CRIM1: variants seen among roughly 807,000 people sequenced by gnomAD.
CRIM1 encodes cysteine-rich motor neuron 1 protein.
Under a neutral mutation model 116.4 loss-of-function variants are expected in CRIM1, and 32 were observed. That is an observed-to-expected ratio of 0.27 (90% CI 0.21 to 0.37). The LOEUF (loss-of-function observed/expected upper bound fraction) is 0.37. Among genes scored for constraint, CRIM1 ranks in the 10% least tolerant of loss-of-function variants. The probability of loss-of-function intolerance (pLI) is 1.00; values close to 1 mark genes in which losing one functional copy is unlikely to be tolerated. For synonymous variants in CRIM1, 590 were observed against 509.2 expected (o/e 1.16, Z -2.13); for missense variants, 1,331 against 1,354.8 (o/e 0.98, Z 0.28).
intron 7 of CRIM1, among the ~76,000 whole-genome samples, chr2:36,492,693 T>C (rs1280417234): frequency 6.6e-6 from 1 of 152,226 alleles, no homozygotes; most frequent in African/African-American, 2.4e-5. Flanking sequence ...GCTTTGATGC[T>C]GTCTTGGCCA....
At chr2:36,407,154 C>G (rs1048287262) in intron 2 of CRIM1, among the ~76,000 whole-genome samples, 1 of 152,270 alleles carries the variant, frequency 6.6e-6, no homozygotes, top group African/African-American at 2.4e-5. Context: ...TAAATTTTAT[C>G]CCACTCTGTT....
intron 1 of CRIM1, among the ~76,000 whole-genome samples, chr2:36,373,475 AG>A (rs1379580649): frequency 6.6e-6 from 1 of 152,234 alleles, no homozygotes; most frequent in African/African-American, 2.4e-5. Flanking sequence ...TGGGGAAATC[AG>A]TTGCTTGAAC....
chr2:36,417,096 G>T (rs1049310681), intron 2 of CRIM1, among the ~76,000 whole-genome samples: 2 of 152,158 alleles, frequency 1.3e-5, no homozygotes, highest in Non-Finnish European at 2.9e-5. Flanking sequence ...CTCTTCAGAA[G>T]GCTGTCATTC....
In CRIM1 at chr2:36,544,407, C is replaced by T. The variant is rs913941458; in HGVS notation, c.2655C>T (p.Pro885=). The change falls in exon 15 of 17, where the codon CCC becomes CCT. Residue 885 remains proline, a synonymous_variant. Coordinates refer to ENST00000280527, the MANE Select transcript of CRIM1 (RefSeq NM_016441.3). ...ATGTCCCAGAACCAACCAATATACC[C>T]ATTGAGAAGACAAACCATCGAGGAG... ...EMYVPEPTNI[P]IEKTNHRGEV... is the part of the protein sequence containing the mutation. 7.0e-7 allele frequency: 1 copy of T among 1,423,538 alleles called. No individual in the cohort carries two copies. The highest frequency in any genetic ancestry group is 1.8e-5 in the South Asian group (1 of 54,406). 88.2% of individuals were successfully genotyped at this position (1,423,538 alleles called of 1,614,324 possible).
At position 36,537,405 on chromosome 2, in the gene CRIM1, G is replaced by T; in HGVS notation, c.2482G>T (p.Asp828Tyr). Residue 828 changes from aspartate (D) to tyrosine (Y), a missense_variant, in exon 14 of 17, where the codon GAC becomes TAC. Physicochemically the swap from Asp to Tyr is radical, Grantham distance 160 (BLOSUM62 -3). Coordinates refer to ENST00000280527, the MANE Select transcript of CRIM1 (RefSeq NM_016441.3). Reference sequence around the variant, plus strand: ...CCACTTCAGTGGGAAGGCCTATGCCGACGAGGAGCGGTGGGACCTTGACAG... The same window carrying T: ...CCACTTCAGTGGGAAGGCCTATGCCTACGAGGAGCGGTGGGACCTTGACAG... ...VCHFSGKAYA[D>Y]EERWDLDSCT... The T allele has an allele frequency of 6.2e-7, 1 of 1,614,228 alleles. No individual in the cohort carries two copies.
chr2:36,430,499 C>T (rs572302055), intron 2 of CRIM1, among the ~76,000 whole-genome samples: 26 of 152,186 alleles, frequency 1.7e-4, no homozygotes, highest in Non-Finnish European at 3.8e-4. Context: ...GGAAAGTAAA[C>T]ACATCCCTTT....
chr2:36,356,259 G>A lies in CRIM1; in HGVS notation c.-34G>A, dbSNP rs753016749. 3.1e-6 allele frequency: 4 copies of A among 1,287,854 alleles called. No individual in the cohort carries two copies. The highest frequency in any genetic ancestry group is 3.1e-6 in the Non-Finnish European group (3 of 981,654). The allele number at this position is 1,287,854 out of a possible 1,614,324, so 79.8% of individuals were successfully genotyped here. On this transcript the variant is annotated 5_prime_UTR_variant, in exon 1 of 17. Transcript: ENST00000280527. This position sits in a 1 kb window ranked among gnomAD's most constrained non-coding sequence, Gnocchi z 4.3. ...AGGGCGCCCGCCCCGCTCCCGGCCCGGCTGCGAGGAGGAGGCGGCGGCGGC... is the reference window on the plus strand; with the variant it reads ...AGGGCGCCCGCCCCGCTCCCGGCCCAGCTGCGAGGAGGAGGCGGCGGCGGC...
At chr2:36,520,922 G>A (rs1162256925) in intron 12 of CRIM1, among the ~76,000 whole-genome samples, 3 of 152,170 alleles carry the variant, frequency 2.0e-5, no homozygotes, top group South Asian at 2.1e-4. Flanking sequence ...AAGAACATAC[G>A]ACAACTCTTT....
chr2:36,532,245 G>A (rs918683770), intron 13 of CRIM1, among the ~76,000 whole-genome samples: 14 of 152,168 alleles, frequency 9.2e-5, no homozygotes, highest in Non-Finnish European at 2.1e-4. Context: ...AGCCTACCAG[G>A]ACTACTTAGA....
At chr2:36,543,106 A>G (rs1464129509) in intron 14 of CRIM1, among the ~76,000 whole-genome samples, 1 of 152,180 alleles carries the variant, frequency 6.6e-6, no homozygotes. Context: ...TAATATAACT[A>G]AGAAAGCAGA....
At chr2:36,357,927 G>C (rs542132483) in intron 1 of CRIM1, among the ~76,000 whole-genome samples, 3 of 152,306 alleles carry the variant, frequency 2.0e-5, no homozygotes, top group South Asian at 2.1e-4. Flanking sequence ...CTATTAAAAG[G>C]CTTCAGTGCT....
chr2:36,397,102 G>T (rs990651259), intron 2 of CRIM1, among the ~76,000 whole-genome samples: 1 of 152,136 alleles, frequency 6.6e-6, no homozygotes, highest in African/African-American at 2.4e-5. Flanking sequence ...GGTCCATTCT[G>T]TTTGATTTAC....
At chr2:36,374,405 C>G (rs1041190370) in intron 1 of CRIM1, among the ~76,000 whole-genome samples, 7 of 152,102 alleles carry the variant, frequency 4.6e-5, no homozygotes, top group Non-Finnish European at 1.0e-4. Flanking sequence ...ATAGAAGAAA[C>G]AATTATCTAA....
At chr2:36,505,219 T>C (rs950052458) in intron 8 of CRIM1, among the ~76,000 whole-genome samples, 4 of 152,216 alleles carry the variant, frequency 2.6e-5, no homozygotes, top group Non-Finnish European at 4.4e-5. Flanking sequence ...AATAGGTTTG[T>C]AGGAATTGCC....
intron 7 of CRIM1, among the ~76,000 whole-genome samples, chr2:36,494,103 C>T (rs140331958): frequency 1.3e-3 from 195 of 152,326 alleles, no homozygotes; most frequent in African/African-American, 4.5e-3. Flanking sequence ...ACATTTATAA[C>T]ACCTGAATAA....
chr2:36,447,614 T>C (rs1000838990), intron 4 of CRIM1, among the ~76,000 whole-genome samples: 1 of 152,166 alleles, frequency 6.6e-6, no homozygotes, highest in Non-Finnish European at 1.5e-5. Context: ...TGCAAAGCCT[T>C]TGGAGACCAA....
chr2:36,406,107 G>T (rs1250561863), intron 2 of CRIM1, among the ~76,000 whole-genome samples: 1 of 152,122 alleles, frequency 6.6e-6, no homozygotes, highest in Non-Finnish European at 1.5e-5. Flanking sequence ...GTTATTGACT[G>T]TATTAGAAAT....
chr2:36,529,324 C>T (rs1389418384), intron 13 of CRIM1: 9 of 368,188 alleles, frequency 2.4e-5, no homozygotes, highest in Non-Finnish European at 5.0e-5. Context: ...ACTGGCCAAT[C>T]TGGAAGGTCC....
intron 2 of CRIM1, among the ~76,000 whole-genome samples, chr2:36,433,166 TA>T (rs1675027999): frequency 6.6e-6 from 1 of 152,194 alleles, no homozygotes; most frequent in South Asian, 2.1e-4. Flanking sequence ...TGCATCTTGC[TA>T]AAATGCAGAT....
Sources: allele counts gnomAD v4.1 joint callset (sites outside exome capture counted in the v4.1 genomes callset), GRCh38; gene constraint gnomAD v4.1.1; non-coding constraint Gnocchi (gnomAD v3.1); transcripts MANE v1.5; gene names NCBI Gene and HGNC (gene_info 2026-07-23, HGNC 2026-07-21).